GALNT13: variants seen among roughly 807,000 people sequenced by gnomAD.
GALNT13 encodes the protein polypeptide N-acetylgalactosaminyltransferase 13.
A neutral mutation model predicts 64.2 loss-of-function variants in GALNT13; 28 were observed. The ratio of observed to expected loss-of-function variants is 0.44; its 90% CI spans 0.32 to 0.60. GALNT13 has a LOEUF of 0.60. Ranked by LOEUF, GALNT13 falls within the 20% of genes least tolerant of loss-of-function variation. The pLI, the probability that GALNT13 is intolerant of heterozygous loss-of-function variation, is 0.05. For synonymous variants in GALNT13, 214 were observed against 224.6 expected (o/e 0.95, Z 0.42); for missense variants, 577 against 669.8 (o/e 0.86, Z 1.53).
chr2:154,146,886 T>C (rs1683636552), intron 4 of GALNT13, among the ~76,000 whole-genome samples: 1 of 152,120 alleles, frequency 6.6e-6, no homozygotes, highest in African/African-American at 2.4e-5. Flanking sequence ...AAACGTCATA[T>C]AAACCCACTG....
At chr2:153,637,763 T>C in the GALNT13 span, among the ~76,000 whole-genome samples, 163 of 152,314 alleles carry the variant, frequency 1.1e-3, 2 homozygotes, top group East Asian at 0.024. Context: ...TAGCTATTGA[T>C]AAAAATAACC....
intron 9 of GALNT13, among the ~76,000 whole-genome samples, chr2:154,361,906 T>G (rs1457473150): frequency 6.6e-6 from 1 of 152,080 alleles, no homozygotes; most frequent in Non-Finnish European, 1.5e-5. Flanking sequence ...TTCCAAGACT[T>G]ATTTATTTTG....
chr2:153,992,999 A>T (rs556583084), intron 3 of GALNT13, among the ~76,000 whole-genome samples: 2 of 152,314 alleles, frequency 1.3e-5, no homozygotes, highest in Admixed American at 1.3e-4. Flanking sequence ...TATACTGTGA[A>T]ATTAGACATG....
intron 2 of GALNT13, among the ~76,000 whole-genome samples, chr2:153,930,659 C>A (rs1037223259): frequency 1.3e-5 from 2 of 151,848 alleles, no homozygotes; most frequent in African/African-American, 4.8e-5. Flanking sequence ...TGGGTTCTTT[C>A]TTCTGTTCCA....
rs779068377 is a variant in GALNT13, at chr2:154,390,321, C to T, written c.1157-5670C>T. On this transcript the variant is annotated intron_variant, in intron 9 of 12. Transcript: ENST00000392825. The stretch of plus-strand genomic sequence containing the variant: ...AGGTTTGTTGTACAGATTATTTTAT[C>T]ACCTGGGTATTAACCCTAGTACCCA... Among the ~76,000 whole-genome samples, 24 of 152,104 alleles carry T rather than the reference C, an allele frequency of 1.6e-4. 1 individual carries two copies. The highest frequency in any genetic ancestry group is 2.6e-4 in the Admixed American group (4 of 15,270).
the GALNT13 span, among the ~76,000 whole-genome samples, chr2:153,853,640 T>C: frequency 6.6e-6 from 1 of 151,482 alleles, no homozygotes; most frequent in East Asian, 1.9e-4. Context: ...GTAAAATAGG[T>C]TGGACAAAAG....
chr2:153,698,387 T>C, the GALNT13 span, among the ~76,000 whole-genome samples: 25 of 151,290 alleles, frequency 1.7e-4, no homozygotes, highest in African/African-American at 5.6e-4. Context: ...TCAAAATAAA[T>C]GGATGGGGAG....
chr2:153,232,676 G>T, the GALNT13 span, among the ~76,000 whole-genome samples: 1 of 152,172 alleles, frequency 6.6e-6, no homozygotes, highest in Non-Finnish European at 1.5e-5. Flanking sequence ...GTAACTGAGG[G>T]GACTGGCTGA....
At chr2:154,258,283 C>T (rs1690487934) in intron 7 of GALNT13, among the ~76,000 whole-genome samples, 1 of 152,052 alleles carries the variant, frequency 6.6e-6, no homozygotes, top group African/African-American at 2.4e-5. Context: ...CTTCTCAGCT[C>T]CCATGGAGGA....
At chr2:153,511,334 T>C in the GALNT13 span, among the ~76,000 whole-genome samples, 1 of 151,074 alleles carries the variant, frequency 6.6e-6, no homozygotes, top group African/African-American at 2.4e-5. Context: ...CCCAAGCAGG[T>C]TCCTATAGAT....
chr2:154,385,761 G>A (rs1246132631), intron 9 of GALNT13, among the ~76,000 whole-genome samples: 2 of 151,958 alleles, frequency 1.3e-5, no homozygotes, highest in African/African-American at 4.8e-5. Context: ...GGATAGATGA[G>A]TGTCCTCTTT....
chr2:153,429,177 T>C, the GALNT13 span, among the ~76,000 whole-genome samples: 1 of 152,136 alleles, frequency 6.6e-6, no homozygotes, highest in Admixed American at 6.6e-5. Context: ...TGACAAAAGG[T>C]TTAACTCATT....
chr2:153,870,653 A>G (rs568876757), upstream of GALNT13, among the ~76,000 whole-genome samples: 1 of 151,712 alleles, frequency 6.6e-6, no homozygotes, highest in African/African-American at 2.4e-5. Flanking sequence ...AGAAATTTAA[A>G]TGATACTTGA....
intron 1 of GALNT13, among the ~76,000 whole-genome samples, chr2:153,890,704 T>A (rs1451974532): frequency 6.6e-6 from 1 of 152,076 alleles, no homozygotes; most frequent in African/African-American, 2.4e-5. Flanking sequence ...GGAAAGGAGC[T>A]TGTATCCCCA....
intron 3 of GALNT13, among the ~76,000 whole-genome samples, chr2:153,958,741 G>A (rs1308684262): frequency 6.6e-6 from 1 of 152,154 alleles, no homozygotes; most frequent in Non-Finnish European, 1.5e-5. Context: ...CTACAAAAAG[G>A]CAGTGGGATG....
the GALNT13 span, among the ~76,000 whole-genome samples, chr2:153,164,533 T>A: frequency 2.0e-5 from 3 of 152,188 alleles, no homozygotes; most frequent in African/African-American, 7.2e-5. Flanking sequence ...AATTTTCATG[T>A]TTAATGTATA....
At chr2:153,113,773 A>G in the GALNT13 span, among the ~76,000 whole-genome samples, 4 of 152,216 alleles carry the variant, frequency 2.6e-5, no homozygotes, top group African/African-American at 9.6e-5. Flanking sequence ...AGAATCTACA[A>G]GATCATTGAG....
the GALNT13 span, among the ~76,000 whole-genome samples, chr2:153,107,688 G>C: frequency 6.6e-6 from 1 of 152,136 alleles, no homozygotes; most frequent in East Asian, 1.9e-4. Flanking sequence ...TGTTTTGGCA[G>C]CAGATTTACT....
chr2:153,270,872 C>T, the GALNT13 span, among the ~76,000 whole-genome samples: 1 of 151,994 alleles, frequency 6.6e-6, no homozygotes, highest in African/African-American at 2.4e-5. Context: ...AAAACAATAA[C>T]ATACATTGTG....
Sources: gnomAD v4.1 joint callset for allele counts (sites outside exome capture counted in the v4.1 genomes callset) on GRCh38, gnomAD v4.1.1 for gene constraint, MANE v1.5 for transcripts, NCBI Gene and HGNC (gene_info 2026-07-23, HGNC 2026-07-21) for gene names.